Variants in CDKN2A observed in about 807,000 individuals in gnomAD.
CDKN2A encodes cyclin dependent kinase inhibitor 2A, also known as cyclin-dependent kinase inhibitor 2A.
CDKN2A carries 3 observed loss-of-function variants against 11.1 expected under a neutral mutation model. The observed-to-expected ratio is 0.27, with a 90% confidence interval of 0.12 to 0.70. The LOEUF is 0.70. Among genes scored for constraint, CDKN2A ranks in the 30% least tolerant of loss-of-function variants. The pLI is 0.77. For missense variants in CDKN2A, 265 were observed against 233.6 expected (o/e 1.13, Z -0.88); for synonymous variants, 122 against 108.1 (o/e 1.13, Z -0.80).
chr9:21,985,241 C>G (rs1820274623), intron 2 of CDKN2A, among the ~76,000 whole-genome samples: 1 of 151,892 alleles, frequency 6.6e-6, no homozygotes, highest in South Asian at 2.1e-4. Context: ...TATGTTTACT[C>G]TGTACTGATT....
chr9:21,970,560 G>A (rs1819657682), intron 2 of CDKN2A: 1 of 547,656 alleles, frequency 1.8e-6, no homozygotes. Context: ...GCCCTAGTTT[G>A]GAGGAAGAGG....
Position 21,981,024 on chromosome 9 carries a change from GTA to G in CDKN2A, c.-3-9818_-3-9817del, listed in dbSNP as rs1158286720. 4.4e-5 allele frequency among the ~76,000 whole-genome samples: 2 copies of G among 45,722 alleles called. 1 individual carries two copies. The highest frequency in any genetic ancestry group is 1.7e-3 in the East Asian group (2 of 1,180). The allele number at this position is 45,722 out of a possible 152,430, so 30.0% of individuals were successfully genotyped here. Reference sequence around the variant, plus strand: ...TATACGTGTATATATATATATACGTGTATATATATATACGTGTATATATATAT... The same window carrying G: ...TATACGTGTATATATATATATACGTGTATATATATACGTGTATATATATAT... On this transcript the variant is annotated intron_variant, in intron 2 of 3. Transcript: ENST00000494262.
At position 21,970,936 on chromosome 9, in the gene CDKN2A, G is replaced by A. The variant is rs1819683853; in HGVS notation, c.423C>T (p.Asn141=). 6.2e-7 allele frequency: 1 copy of A among 1,612,436 alleles called. No individual in the cohort carries two copies. The highest frequency in any genetic ancestry group is 8.5e-7 in the Non-Finnish European group (1 of 1,180,026). Residue 141 remains asparagine (N), a synonymous_variant, in exon 2 of 3, where the codon AAC becomes AAT. Coordinates refer to ENST00000304494, the MANE Select transcript of CDKN2A (RefSeq NM_000077.5). The part of the protein sequence containing the change: ...RAAAGGTRGS[N]HARIDAAEGP... ...CTTCCGCGGCATCTATGCGGGCATG[G>A]TTACTGCCTCTGGTGCCCCCCGCAG...
At position 21,968,754 on chromosome 9, in the gene CDKN2A, A is replaced by G. The variant is rs567392504; in HGVS notation, c.458-512T>C. On this transcript the variant is annotated intron_variant, in intron 2 of 2. Transcript: ENST00000304494. This position sits in a 1 kb window ranked among gnomAD's most constrained non-coding sequence, Gnocchi z 4.7. ...GCATGCCTGCTTCTACAAACCCACA[A>G]ATGGTTTCCGATCATTTCTGAAACA... The G allele has an allele frequency of 3.6e-5, 55 of 1,535,430 alleles. No homozygotes were observed. The East Asian group carries it at 1.1e-3, about 31-fold the overall frequency.
chr9:21,968,389 G>T lies in CDKN2A; in HGVS notation c.458-147C>A, dbSNP rs1819515060. On this transcript the variant is annotated intron_variant, in intron 2 of 2. Coordinates refer to ENST00000304494, the MANE Select transcript of CDKN2A (RefSeq NM_000077.5). The surrounding 1 kb of genome is among the most constrained non-coding windows in gnomAD (Gnocchi z 4.7). ...ATGGCTTCACGTGCATGTACCCGCC[G>T]CCACCGCTCTCCCACACCTCCCTGG... The T allele has an allele frequency of 2.6e-6, 4 of 1,513,406 alleles. No individual in the cohort carries two copies. The highest frequency in any genetic ancestry group is 3.6e-6 in the Non-Finnish European group (4 of 1,119,434). 93.7% of individuals were successfully genotyped at this position (1,513,406 alleles called of 1,614,324 possible).
chr9:21,971,832 G>T (rs1444854022), intron 1 of CDKN2A, among the ~76,000 whole-genome samples: 1 of 152,000 alleles, frequency 6.6e-6, no homozygotes, highest in African/African-American at 2.4e-5. Context: ...GAATTATTAA[G>T]TCAAGCTAAG....
intron 1 of CDKN2A, chr9:21,994,271 T>C (rs1397255688): frequency 6.2e-7 from 1 of 1,604,094 alleles, no homozygotes; most frequent in East Asian, 2.2e-5. Flanking sequence ...ACGAAAACCC[T>C]CACTCGCGGC....
upstream of CDKN2A, among the ~76,000 whole-genome samples, chr9:21,978,968 T>G (rs894134308): frequency 6.6e-6 from 1 of 152,206 alleles, no homozygotes; most frequent in Non-Finnish European, 1.5e-5. Context: ...AGGGATTAAA[T>G]GAAGCATGTA....
intron 2 of CDKN2A, among the ~76,000 whole-genome samples, chr9:21,985,171 G>T (rs1281954028): frequency 6.6e-6 from 1 of 151,918 alleles, no homozygotes; most frequent in Non-Finnish European, 1.5e-5. Context: ...TGTTGTTACG[G>T]TTAAGATGAT....
intron 2 of CDKN2A, among the ~76,000 whole-genome samples, chr9:21,981,287 A>T (rs1820193570): frequency 6.7e-6 from 1 of 148,986 alleles, no homozygotes; most frequent in Non-Finnish European, 1.5e-5. Context: ...TTGAGGAGGG[A>T]AGACTGGGGT....
At chr9:21,971,547 T>A in intron 1 of CDKN2A, 1 of 353,610 alleles carries the variant, frequency 2.8e-6, no homozygotes, top group Non-Finnish European at 4.9e-6. Flanking sequence ...TACTGAAATT[T>A]CTTCCTGAAA....
At chr9:21,977,614 C>G (rs750192306), upstream of CDKN2A, among the ~76,000 whole-genome samples, 3 of 152,164 alleles carry the variant, frequency 2.0e-5, no homozygotes, top group African/African-American at 7.2e-5. Flanking sequence ...GATCCACCCA[C>G]CTTAGCCTCC....
chr9:21,986,545 T>TA (rs1223846044), intron 2 of CDKN2A, among the ~76,000 whole-genome samples: 1 of 151,994 alleles, frequency 6.6e-6, no homozygotes, highest in East Asian at 1.9e-4. Flanking sequence ...TATGAATTAC[T>TA]AGTCAATGAC....
Position 21,967,901 on chromosome 9 carries a change from G to T in CDKN2A, c.*328C>A, listed in dbSNP as rs1819487548. ...GAAGTCGACAGCTTCCGGAGGCTGC[G>T]AGGCTCGCAAGAAATGCCCACATGA... On this transcript the variant is annotated 3_prime_UTR_variant, in exon 3 of 3. Transcript: ENST00000304494. The T allele has an allele frequency of 8.1e-6, 3 of 369,084 alleles. No individual in the cohort carries two copies. The highest frequency in any genetic ancestry group is 4.2e-5 in the East Asian group (1 of 23,808). The allele number at this position is 369,084 out of a possible 1,614,324, so 22.9% of individuals were successfully genotyped here.
intron 1 of CDKN2A, chr9:21,994,436 C>A: frequency 3.2e-6 from 5 of 1,576,124 alleles, no homozygotes; most frequent in Non-Finnish European, 4.3e-6. Flanking sequence ...CTGGGACCCA[C>A]GCACCGCCCC....
intron 2 of CDKN2A, among the ~76,000 whole-genome samples, chr9:21,983,663 G>A (rs1490319520): frequency 6.6e-6 from 1 of 152,004 alleles, no homozygotes; most frequent in African/African-American, 2.4e-5. Flanking sequence ...TACATATTGA[G>A]GAACTATGTA....
chr9:21,970,994 C>A lies in CDKN2A; in HGVS notation c.365G>T (p.Gly122Val), dbSNP rs373291490. 38 of 1,609,606 alleles carry A rather than the reference C, an allele frequency of 2.4e-5. No individual in the cohort carries two copies. In the African/African-American group the frequency reaches 3.9e-4, roughly 16 times the overall value. The change falls in exon 2 of 3, where the codon GGC becomes GTC. Residue 122 changes from glycine to valine, a missense_variant. Transcript: ENST00000304494. Reference sequence around the variant, plus strand: ...CAGGTACCGTGCGACATCGCGATGGCCCAGCTCCTCAGCCAGGTCCACGGG... The same window carrying A: ...CAGGTACCGTGCGACATCGCGATGGACCAGCTCCTCAGCCAGGTCCACGGG... Reference protein sequence around the residue: ...RLPVDLAEELGHRDVARYLRA... With the variant: ...RLPVDLAEELVHRDVARYLRA...
At chr9:21,972,730 T>C (rs571377610) in intron 1 of CDKN2A, among the ~76,000 whole-genome samples, 4 of 152,226 alleles carry the variant, frequency 2.6e-5, no homozygotes, top group Non-Finnish European at 5.9e-5. Flanking sequence ...GGTTCCTAAA[T>C]CATCTTGGAA....
At chr9:21,972,719 T>C (rs2131103055) in intron 1 of CDKN2A, among the ~76,000 whole-genome samples, 1 of 152,374 alleles carries the variant, frequency 6.6e-6, no homozygotes. Context: ...GTCACCTCTT[T>C]GGTTCCTAAA....
Sources: gnomAD v4.1 joint callset for allele counts (sites outside exome capture counted in the v4.1 genomes callset) on GRCh38, gnomAD v4.1.1 for gene constraint, Gnocchi (gnomAD v3.1) non-coding constraint, MANE v1.5 for transcripts, NCBI Gene and HGNC (gene_info 2026-07-23, HGNC 2026-07-21) for gene names.